The following RHOV variants were observed in gnomAD, a reference collection of about 807,000 sequenced individuals.
RHOV encodes rho-related GTP-binding protein RhoV.
In RHOV, 6 loss-of-function variants were observed where a neutral mutation model predicts 20.2. The observed-to-expected ratio is 0.30, with a 90% CI of 0.16 to 0.59. The LOEUF is 0.59. Among genes scored for constraint, RHOV ranks in the 20% least tolerant of loss-of-function variants. The pLI is 0.89. For synonymous variants in RHOV, 136 were observed against 142.3 expected (o/e 0.96, Z 0.31); for missense variants, 275 against 319.4 (o/e 0.86, Z 1.06).
chr15:40,873,754 G>T lies in RHOV; in HGVS notation c.209-12C>A, dbSNP rs1389256193. 1 of 1,612,576 alleles carries T rather than the reference G, an allele frequency of 6.2e-7. No individual in the cohort carries two copies. The highest frequency in any genetic ancestry group is 8.5e-7 in the Non-Finnish European group (1 of 1,179,884). ...CACCAGGACTTGCACTGCAGGGGCGGGGCGGGGAGAGCCTGAGTTAGGAAG... is the reference window on the plus strand; with the variant it reads ...CACCAGGACTTGCACTGCAGGGGCGTGGCGGGGAGAGCCTGAGTTAGGAAG... On this transcript the variant is annotated splice_polypyrimidine_tract_variant and intron_variant, in intron 1 of 2. Coordinates refer to ENST00000220507, the MANE Select transcript of RHOV (RefSeq NM_133639.4).
At position 40,873,168 on chromosome 15, in the gene RHOV, C is replaced by T. The variant is rs769317376; in HGVS notation, c.601G>A (p.Ala201Thr). 45 of 1,614,146 alleles carry T rather than the reference C, an allele frequency of 2.8e-5. No homozygotes were observed. The highest frequency in any genetic ancestry group is 3.6e-5 in the Non-Finnish European group (43 of 1,180,044). The change falls in exon 3 of 3, where the codon GCT becomes ACT. Residue 201 changes from alanine to threonine, a missense_variant. Physicochemically the swap from Ala to Thr is moderately conservative, Grantham distance 58. Coordinates refer to ENST00000220507, the MANE Select transcript of RHOV (RefSeq NM_133639.4). ...QKNLKEVFDS[A>T]ILSAIEHKAR... ...TTGTGCTCAATGGCACTGAGAATAG[C>T]CGAGTCAAATACTTCCTTCAAGTTC...
intron 1 of RHOV, 77 bp downstream of exon 1, chr15:40,873,855 C>A (rs2142027367): frequency 6.5e-7 from 1 of 1,540,894 alleles, no homozygotes; most frequent in Non-Finnish European, 8.9e-7. Flanking sequence ...GCCCTCCCGC[C>A]GAGACGCCCG....
Position 40,873,418 on chromosome 15 carries a change from G to C in RHOV, c.351C>G (p.Ser117=), listed in dbSNP as rs1891915989. Residue 117 remains serine, a synonymous_variant, in exon 3 of 3, where the codon TCC becomes TCG. Coordinates refer to ENST00000220507, the MANE Select transcript of RHOV (RefSeq NM_133639.4). ...GCCATTTCTCTGTGATGTTTTGAAA[G>C]GAGCTGGGCTGCACCACGCTGAAGC... ...LACFSVVQPS[S]FQNITEKWLP... 6.2e-7 allele frequency: 1 copy of C among 1,612,824 alleles called. No homozygotes were observed. The highest frequency in any genetic ancestry group is 8.5e-7 in the Non-Finnish European group (1 of 1,179,816).
In RHOV at chr15:40,873,527, G is replaced by C. The variant is rs1243425603; in HGVS notation, c.268-26C>G. ...CTGGGGTGGGAAGGCCAGGTGGTAA[G>C]GATTAGCCCCCCGACACATGGAATC... On this transcript the variant is annotated intron_variant, in intron 2 of 2. Coordinates refer to ENST00000220507, the MANE Select transcript of RHOV (RefSeq NM_133639.4). 5.6e-6 allele frequency: 9 copies of C among 1,596,000 alleles called. No individual in the cohort carries two copies. In the Middle Eastern group the frequency reaches 5.0e-4, roughly 89 times the overall value.
In RHOV at chr15:40,873,367, G is replaced by A. The variant is rs778983489; in HGVS notation, c.402C>T (p.Pro134=). 1.9e-6 allele frequency: 3 copies of A among 1,613,242 alleles called. No homozygotes were observed. The highest frequency in any genetic ancestry group is 2.2e-5 in the South Asian group (2 of 91,070). The stretch of plus-strand genomic sequence containing the variant: ...TGCCCACCAGCAGCACAGGCGCCTG[G>A]GGGTTGTGCGTGCGGATCTCGGGCA... ...KWLPEIRTHN[P]QAPVLLVGTQ... The change falls in exon 3 of 3, where the codon CCC becomes CCT. Residue 134 remains proline (P), a synonymous_variant. Coordinates refer to ENST00000220507, the MANE Select transcript of RHOV (RefSeq NM_133639.4).
chr15:40,873,572 G>C, intron 2 of RHOV, 71 bp from the exon 3 acceptor site: 1 of 1,587,084 alleles, frequency 6.3e-7, no homozygotes, highest in East Asian at 2.2e-5. Context: ...CCCGGGGCTG[G>C]AAACCTGAGA....
chr15:40,872,991 C>A lies in RHOV; in HGVS notation c.*67G>T. 7.6e-7 allele frequency: 1 copy of A among 1,312,232 alleles called. No homozygotes were observed. Among genetic ancestry groups the A allele is most frequent in the Non-Finnish European group, 1.1e-6 (1 of 930,150 alleles). The allele number at this position is 1,312,232 out of a possible 1,614,324, so 81.3% of individuals were successfully genotyped here. ...GCCCTGCCAGTAGCTGCCGCAAAGGCCCGGGTGCCCCAGGTCTCAGAAGTC... is the reference window on the plus strand; with the variant it reads ...GCCCTGCCAGTAGCTGCCGCAAAGGACCGGGTGCCCCAGGTCTCAGAAGTC... On this transcript the variant is annotated 3_prime_UTR_variant, in exon 3 of 3. Coordinates refer to ENST00000220507, the MANE Select transcript of RHOV (RefSeq NM_133639.4).
rs145624117 is a variant in RHOV, at chr15:40,873,244, G to A, written c.525C>T (p.Ala175=). The A allele has an allele frequency of 6.2e-7, 1 of 1,614,158 alleles. No individual in the cohort carries two copies. ...GGTAGCAGCAGGCTCGGATCTTCTC[G>A]GCCAGACCCTGAGCCTGGGGTTGGG... is the stretch of plus-strand genomic sequence containing the variant. ...PVPQPQAQGL[A]EKIRACCYLE... The change falls in exon 3 of 3, where the codon GCC becomes GCT. Residue 175 remains alanine (A), a synonymous_variant. Coordinates refer to ENST00000220507, the MANE Select transcript of RHOV (RefSeq NM_133639.4).
rs1485123206 is a variant in RHOV, at chr15:40,873,945, C to T, written c.195G>A (p.Leu65=). 3 of 1,611,006 alleles carry T rather than the reference C, an allele frequency of 1.9e-6. No individual in the cohort carries two copies. The highest frequency in any genetic ancestry group is 4.5e-5 in the East Asian group (2 of 44,710). ...GYPARYRPTA[L]DTFSVQVLVD... ...GAACGTACGTACCAGAGAAGGTGTC[C>T]AGCGCAGTGGGCCGGTAGCGCGCGG... is the stretch of plus-strand genomic sequence containing the variant. Residue 65 remains leucine, a synonymous_variant, in exon 1 of 3, where the codon CTG becomes CTA. Transcript: ENST00000220507.
Position 40,873,735 on chromosome 15 carries a change from G to A in RHOV, c.216C>T (p.Val72=). 3 of 1,613,564 alleles carry A rather than the reference G, an allele frequency of 1.9e-6. No homozygotes were observed. Among genetic ancestry groups the A allele is most frequent in the Non-Finnish European group, 2.5e-6 (3 of 1,179,996 alleles). The part of the protein sequence containing the change: ...PTALDTFSVQ[V]LVDGAPVRIE... The stretch of plus-strand genomic sequence containing the variant: ...TGCGCACCGGAGCTCCATCCACCAG[G>A]ACTTGCACTGCAGGGGCGGGGCGGG... The change falls in exon 2 of 3, where the codon GTC becomes GTT. Residue 72 remains valine (V), a synonymous_variant. Transcript: ENST00000220507.
At position 40,874,150 on chromosome 15, in the gene RHOV, G is replaced by T; in HGVS notation, c.-11C>A. On this transcript the variant is annotated 5_prime_UTR_variant, in exon 1 of 3. Transcript: ENST00000220507. Reference sequence around the variant, plus strand: ...CTCCCGCGGCGGCATGGCCCGCTCCGGGGGCAGCAGAGGGGCCAGCCCGGG... The same window carrying T: ...CTCCCGCGGCGGCATGGCCCGCTCCTGGGGCAGCAGAGGGGCCAGCCCGGG... The T allele has an allele frequency of 1.6e-6, 2 of 1,276,924 alleles. No individual in the cohort carries two copies. The highest frequency in any genetic ancestry group is 2.0e-6 in the Non-Finnish European group (2 of 999,972). 79.1% of individuals were successfully genotyped at this position (1,276,924 alleles called of 1,614,324 possible).
At position 40,872,985 on chromosome 15, in the gene RHOV, C is replaced by T; in HGVS notation, c.*73G>A. On this transcript the variant is annotated 3_prime_UTR_variant, in exon 3 of 3. Coordinates refer to ENST00000220507, the MANE Select transcript of RHOV (RefSeq NM_133639.4). Reference sequence around the variant, plus strand: ...GGCCAGGCCCTGCCAGTAGCTGCCGCAAAGGCCCGGGTGCCCCAGGTCTCA... The same window carrying T: ...GGCCAGGCCCTGCCAGTAGCTGCCGTAAAGGCCCGGGTGCCCCAGGTCTCA... The T allele has an allele frequency of 2.4e-6, 3 of 1,253,000 alleles. No homozygotes were observed. The highest frequency in any genetic ancestry group is 3.4e-6 in the Non-Finnish European group (3 of 880,540). 77.6% of individuals were successfully genotyped at this position (1,253,000 alleles called of 1,614,324 possible).
Position 40,873,059 on chromosome 15 carries a change from C to CA in RHOV, c.709dup (p.Ter237LeufsTer18). The CA allele has an allele frequency of 1.2e-6, 2 of 1,611,890 alleles. No individual in the cohort carries two copies. The highest frequency in any genetic ancestry group is 1.7e-6 in the Non-Finnish European group (2 of 1,178,388). Reference sequence around the variant, plus strand: ...TACTTGCTATGCAGCCATAGCTGCTCAAACGAAGCAGAAGAACTTCTTCCA... The same window carrying CA: ...TACTTGCTATGCAGCCATAGCTGCTCAAAACGAAGCAGAAGAACTTCTTCCA... On this transcript the variant is annotated frameshift_variant and stop_lost, in exon 3 of 3. Transcript: ENST00000220507. LOFTEE classifies it high-confidence loss of function.
rs1891901015 is a variant in RHOV at position 40,872,716 on chromosome 15, C to T, written c.*342G>A. ...TCTCACCCCTGTGCCAAGGAAGGGTCCTAATTCAGCCAGGCTGACCTGAGG... is the reference window on the plus strand; with the variant it reads ...TCTCACCCCTGTGCCAAGGAAGGGTTCTAATTCAGCCAGGCTGACCTGAGG... On this transcript the variant is annotated 3_prime_UTR_variant, in exon 3 of 3. Coordinates refer to ENST00000220507, the MANE Select transcript of RHOV (RefSeq NM_133639.4). 1 of 244,616 alleles carries T rather than the reference C, an allele frequency of 4.1e-6. No homozygotes were observed. Among genetic ancestry groups the T allele is most frequent in the East Asian group, 9.0e-5 (1 of 11,150 alleles). 15.2% of individuals were successfully genotyped at this position (244,616 alleles called of 1,614,324 possible).
In RHOV at chr15:40,873,118, A is replaced by T. The variant is rs754397050; in HGVS notation, c.651T>A (p.Asn217Lys). 1 of 1,614,260 alleles carries T rather than the reference A, an allele frequency of 6.2e-7. No homozygotes were observed. ...EHKARLEKKLNAKGVRTLSRC... is the reference protein window; with the variant it reads ...EHKARLEKKLKAKGVRTLSRC... ...GGGAGAGGGTGCGCACACCTTTGGC[A>T]TTCAGTTTCTTCTCCAGCCGGGCTT... The change falls in exon 3 of 3, where the codon AAT becomes AAA. Residue 217 changes from asparagine to lysine, a missense_variant. Transcript: ENST00000220507.
At position 40,873,112 on chromosome 15, in the gene RHOV, T is replaced by G. The variant is rs764547291; in HGVS notation, c.657A>C (p.Lys219Asn). 1.2e-6 allele frequency: 2 copies of G among 1,614,104 alleles called. No individual in the cohort carries two copies. The highest frequency in any genetic ancestry group is 4.5e-5 in the East Asian group (2 of 44,904). ...GGCAGCGGGAGAGGGTGCGCACACC[T>G]TTGGCATTCAGTTTCTTCTCCAGCC... ...KARLEKKLNA[K>N]GVRTLSRCRW... The change falls in exon 3 of 3, where the codon AAA (lysine) becomes AAC (asparagine). Residue 219 changes from lysine (K) to asparagine (N), a missense_variant. Transcript: ENST00000220507.
At position 40,873,693 on chromosome 15, in the gene RHOV, T is replaced by C. The variant is rs1289651472; in HGVS notation, c.258A>G (p.Thr86=). ...GCGCCCAGCTTCTCACCTGTCCCGC[T>C]GTGTCCCAGAGCTCAATGCGCACCG... ...GAPVRIELWD[T]AGQEDFDRLR... is the part of the protein sequence containing the mutation. The change falls in exon 2 of 3, where the codon ACA becomes ACG. Residue 86 remains threonine (T), a synonymous_variant. Transcript: ENST00000220507. 1.9e-6 allele frequency: 3 copies of C among 1,613,924 alleles called. No individual in the cohort carries two copies. In the African/African-American group the frequency reaches 4.0e-5, roughly 22 times the overall value.
At chr15:40,873,526 A>AGGATT (rs1891917704) in intron 2 of RHOV, 25 bp from the exon 3 acceptor site, 2 of 1,592,612 alleles carry the variant, frequency 1.3e-6, no homozygotes, top group Admixed American at 1.7e-5. Context: ...CCAGGTGGTA[A>AGGATT]GGATTAGCCC....
At chr15:40,873,656 C>A (rs1271533916) in intron 2 of RHOV, 28 bp downstream of exon 2, 1 of 1,612,784 alleles carries the variant, frequency 6.2e-7, no homozygotes, top group Non-Finnish European at 8.5e-7. Context: ...TCCCCGCAGA[C>A]CAGTAGAGGC....
Sources: gnomAD v4.1 joint callset for allele counts on GRCh38, gnomAD v4.1.1 for gene constraint, MANE v1.5 for transcripts, NCBI Gene and HGNC (gene_info 2026-07-23, HGNC 2026-07-21) for gene names.